Variants in MYOF observed in about 807,000 individuals in gnomAD.
MYOF encodes myoferlin, also known as fer-1-like 3, myoferlin.
In MYOF, 244 loss-of-function variants were observed where a neutral mutation model predicts 284.2. The observed-to-expected ratio is 0.86, with a 90% CI of 0.77 to 0.95. MYOF has a LOEUF of 0.95. MYOF is among the 40% of genes least tolerant of loss of function. The pLI, the probability that MYOF is intolerant of heterozygous loss-of-function variation, is 0.00. For synonymous variants in MYOF, 904 were observed against 919.7 expected, an observed-to-expected ratio of 0.98 and a Z score of 0.31; for missense variants, 2,496 against 2,560.6, an observed-to-expected ratio of 0.97 and a Z score of 0.54.
intron 1 of MYOF, among the ~76,000 whole-genome samples, chr10:93,480,739 G>A (rs111861775): frequency 1.3e-5 from 2 of 152,150 alleles, no homozygotes; most frequent in Admixed American, 6.5e-5. Flanking sequence ...GCCTCCCAAA[G>A]TTCTGGGATT....
In MYOF at chr10:93,347,849, C is replaced by T. The variant is rs1844304862; in HGVS notation, c.4084-67G>A. On this transcript the variant is annotated intron_variant, in intron 36 of 53. Coordinates refer to ENST00000359263, the MANE Select transcript of MYOF (RefSeq NM_013451.4). ...GAGGGCAGCTTTGAGAAAAATTCCCCAGATGGACCAGTCCAGATTCTCTCT... is the reference window on the plus strand; with the variant it reads ...GAGGGCAGCTTTGAGAAAAATTCCCTAGATGGACCAGTCCAGATTCTCTCT... 3.4e-6 allele frequency: 5 copies of T among 1,478,326 alleles called. No homozygotes were observed. In the East Asian group the frequency reaches 1.2e-4, roughly 35 times the overall value. The allele number at this position is 1,478,326 out of a possible 1,614,324, so 91.6% of individuals were successfully genotyped here.
intron 29 of MYOF, among the ~76,000 whole-genome samples, 191 bp from the exon 30 acceptor site, chr10:93,357,039 A>G (rs1162471396): frequency 6.6e-6 from 1 of 152,228 alleles, no homozygotes; most frequent in Non-Finnish European, 1.5e-5. Context: ...GAGCTGATGG[A>G]CTGCAGGAGT....
At chr10:93,321,238 G>A (rs1481487981) in intron 48 of MYOF, among the ~76,000 whole-genome samples, 1 of 152,102 alleles carries the variant, frequency 6.6e-6, no homozygotes, top group Non-Finnish European at 1.5e-5. Context: ...TGATTGCGAA[G>A]TCCACATCTG....
intron 25 of MYOF, among the ~76,000 whole-genome samples, chr10:93,367,946 GA>G (rs1845403572): frequency 6.6e-6 from 1 of 152,116 alleles, no homozygotes; most frequent in South Asian, 2.1e-4. Context: ...CAGAACAACA[GA>G]AATGAGTGGA....
At chr10:93,354,666 A>ACTTTCTCTCT (rs1554844079) in intron 31 of MYOF, among the ~76,000 whole-genome samples, 1 of 119,236 alleles carries the variant, frequency 8.4e-6, no homozygotes, top group African/African-American at 3.2e-5. Context: ...TCACACATTC[A>ACTTTCTCTCT]CTCTCTCTCT....
intron 43 of MYOF, 100 bp from the exon 44 acceptor site, chr10:93,329,934 G>A (rs1394719988): frequency 4.9e-6 from 6 of 1,217,118 alleles, no homozygotes; most frequent in Non-Finnish European, 7.1e-6. Context: ...TGTGTAGTAT[G>A]GCTGCTGGAG....
At chr10:93,436,638 T>G (rs1281106814) in intron 3 of MYOF, among the ~76,000 whole-genome samples, 1 of 152,146 alleles carries the variant, frequency 6.6e-6, no homozygotes, top group African/African-American at 2.4e-5. Flanking sequence ...GCCCCATGGA[T>G]AAGTCTGAGC....
rs529609434 is a variant in MYOF at position 93,422,973 on chromosome 10, C to A, written c.433+3098G>T. The stretch of plus-strand genomic sequence containing the variant: ...CAAGAGGACCCATTTAATATTTTGG[C>A]TCTTGGAATGGAATCAACATATGAA... On this transcript the variant is annotated intron_variant, in intron 5 of 53. Transcript: ENST00000359263. Among the ~76,000 whole-genome samples the A allele has an allele frequency of 7.9e-5, 12 of 152,092 alleles. No individual in the cohort carries two copies. In the East Asian group the frequency reaches 1.9e-3, roughly 25 times the overall value.
At chr10:93,369,270 T>A (rs114512384) in intron 25 of MYOF, among the ~76,000 whole-genome samples, 4 of 151,980 alleles carry the variant, frequency 2.6e-5, no homozygotes, top group African/African-American at 9.7e-5. Context: ...TGTGTGTGTG[T>A]GTGTGTATAC....
At chr10:93,433,312 C>A (rs985117225) in intron 3 of MYOF, among the ~76,000 whole-genome samples, 3 of 152,192 alleles carry the variant, frequency 2.0e-5, no homozygotes, top group Admixed American at 1.3e-4. Context: ...CATGCGCCAC[C>A]AAGCCCAGCT....
rs551556416 is a variant in MYOF at position 93,415,187 on chromosome 10, C to T, written c.434-5448G>A. Among the ~76,000 whole-genome samples the T allele has an allele frequency of 5.9e-5, 9 of 152,260 alleles. No individual in the cohort carries two copies. In the South Asian group the frequency reaches 1.9e-3, roughly 32 times the overall value. ...TACCCCTACCCCAGGTTAGATCCTGCCACCTAACACTGCAACCACCCCACT... is the reference window on the plus strand; with the variant it reads ...TACCCCTACCCCAGGTTAGATCCTGTCACCTAACACTGCAACCACCCCACT... On this transcript the variant is annotated intron_variant, in intron 5 of 53. Transcript: ENST00000359263.
chr10:93,338,047 G>T, intron 39 of MYOF, 134 bp from the exon 40 acceptor site: 17 of 658,348 alleles, frequency 2.6e-5, no homozygotes, highest in East Asian at 2.8e-5. Context: ...TATGACTTTT[G>T]TTTACATGCA....
intron 43 of MYOF, among the ~76,000 whole-genome samples, chr10:93,332,574 G>A (rs1843365592): frequency 1.3e-5 from 2 of 151,636 alleles, no homozygotes; most frequent in Admixed American, 6.6e-5. Flanking sequence ...AGCCTGTCGC[G>A]GTGGCTCACG....
At chr10:93,451,389 G>A (rs866032977) in intron 3 of MYOF, among the ~76,000 whole-genome samples, 30 of 152,002 alleles carry the variant, frequency 2.0e-4, no homozygotes, top group Non-Finnish European at 3.5e-4. Context: ...GGTAACATAC[G>A]ACTGGGTCTA....
intron 12 of MYOF, among the ~76,000 whole-genome samples, chr10:93,400,091 G>T (rs959760855): frequency 6.6e-6 from 1 of 152,074 alleles, no homozygotes; most frequent in African/African-American, 2.4e-5. Flanking sequence ...ATACAACAAA[G>T]TTCATTCAGT....
intron 3 of MYOF, among the ~76,000 whole-genome samples, chr10:93,440,299 C>T (rs1301415212): frequency 6.6e-6 from 1 of 152,088 alleles, no homozygotes; most frequent in Non-Finnish European, 1.5e-5. Flanking sequence ...GTAGTCCTAG[C>T]TACTCGGGAG....
At chr10:93,307,138 T>C (rs937251545) in intron 53 of MYOF, 137 bp from the exon 54 acceptor site, 14 of 754,506 alleles carry the variant, frequency 1.9e-5, no homozygotes, top group Non-Finnish European at 2.9e-5. Flanking sequence ...CTGTGCATTG[T>C]AGGATGTTCA....
intron 50 of MYOF, among the ~76,000 whole-genome samples, chr10:93,314,338 C>T (rs1250631358): frequency 6.6e-6 from 1 of 152,210 alleles, no homozygotes; most frequent in Non-Finnish European, 1.5e-5. Flanking sequence ...ATCCACCCAC[C>T]TTGGCCTCCC....
At chr10:93,380,940 T>C (rs1846080499) in intron 20 of MYOF, among the ~76,000 whole-genome samples, 1 of 152,204 alleles carries the variant, frequency 6.6e-6, no homozygotes, top group South Asian at 2.1e-4. Flanking sequence ...GCACAGTGGC[T>C]ACCTTGGGGT....
Sources: allele counts gnomAD v4.1 joint callset (sites outside exome capture counted in the v4.1 genomes callset), GRCh38; gene constraint gnomAD v4.1.1; transcripts MANE v1.5; gene names NCBI Gene and HGNC (gene_info 2026-07-23, HGNC 2026-07-21).